GET3: variants seen among roughly 807,000 people sequenced by gnomAD.
GET3 encodes guided entry of tail-anchored proteins factor 3, ATPase, also known as ATPase GET3.
A neutral mutation model predicts 32.4 loss-of-function variants in GET3; 15 were observed. The ratio of observed to expected loss-of-function variants is 0.46; its 90% confidence interval spans 0.31 to 0.71. The LOEUF (loss-of-function observed/expected upper bound fraction) is 0.71, where lower values mean the gene tolerates loss of function less well. GET3 is among the 30% of genes least tolerant of loss of function. The probability of loss-of-function intolerance (pLI) is 0.05; values close to 1 mark genes in which losing one functional copy is unlikely to be tolerated. For missense variants in GET3, 333 were observed against 459.0 expected (o/e 0.73, Z 2.51); for synonymous variants, 198 against 185.6 (o/e 1.07, Z -0.54).
upstream of GET3, chr19:12,737,297 G>T (rs1967586976): frequency 3.0e-6 from 2 of 669,168 alleles, no homozygotes; most frequent in Non-Finnish European, 2.3e-6. Context: ...CATTAGGTAG[G>T]GGGAACCCTT....
In GET3 at chr19:12,745,571, G is replaced by T; in HGVS notation, c.459-38G>T. On this transcript the variant is annotated intron_variant, in intron 3 of 6. Coordinates refer to ENST00000357332, the MANE Select transcript of GET3 (RefSeq NM_004317.4). This position sits in a 1 kb window ranked among gnomAD's most constrained non-coding sequence, Gnocchi z 5.0. ...GTGGGGGCTGCCTGGGGAAGGGGAA[G>T]AGCGGACACAGAGGGCCTGACCCCT... 1 of 1,612,488 alleles carries T rather than the reference G, an allele frequency of 6.2e-7. No individual in the cohort carries two copies. Among genetic ancestry groups the T allele is most frequent in the Admixed American group, 1.7e-5 (1 of 60,002 alleles).
chr19:12,745,822 C>T lies in GET3; in HGVS notation c.609+63C>T. On this transcript the variant is annotated intron_variant, in intron 4 of 6. Coordinates refer to ENST00000357332, the MANE Select transcript of GET3 (RefSeq NM_004317.4). The surrounding 1 kb of genome is among the most constrained non-coding windows in gnomAD (Gnocchi z 5.0). ...GCCGGGAGTGGGAGTAGGCCCGGGC[C>T]CCCAGACCCTCAAATGCGCACTAAC... 6.5e-7 allele frequency: 1 copy of T among 1,532,220 alleles called. No homozygotes were observed. The highest frequency in any genetic ancestry group is 8.7e-7 in the Non-Finnish European group (1 of 1,144,564). The allele number at this position is 1,532,220 out of a possible 1,614,324, so 94.9% of individuals were successfully genotyped here.
intron 2 of GET3, among the ~76,000 whole-genome samples, chr19:12,739,058 G>T (rs1019872340): frequency 6.6e-6 from 1 of 152,184 alleles, no homozygotes; most frequent in African/African-American, 2.4e-5. Flanking sequence ...TGTCAGTCAG[G>T]GTAGAAGCAG....
rs753878761 is a variant in GET3 at position 12,748,039 on chromosome 19, G to C, written c.982G>C (p.Ala328Pro). ...GCTGTTACCCCATGAGGTGCGGGGG[G>C]CAGACAAGGTCAACACCTTCTCGGC... ...LPLLPHEVRG[A>P]DKVNTFSALL... The change falls in exon 7 of 7, where the codon GCA becomes CCA. Residue 328 changes from alanine (A) to proline (P), a missense_variant. Physicochemically the swap from Ala to Pro is conservative, Grantham distance 27. Coordinates refer to ENST00000357332, the MANE Select transcript of GET3 (RefSeq NM_004317.4). 6.2e-7 allele frequency: 1 copy of C among 1,611,990 alleles called. No homozygotes were observed. Among genetic ancestry groups the C allele is most frequent in the Admixed American group, 1.7e-5 (1 of 59,896 alleles).
intron 4 of GET3, among the ~76,000 whole-genome samples, chr19:12,746,518 G>A (rs901683422): frequency 7.2e-5 from 11 of 152,254 alleles, no homozygotes; most frequent in Admixed American, 1.3e-4. Context: ...GTATGTGCAC[G>A]TGTGGGTGTG....
Position 12,747,678 on chromosome 19 carries a change from G to A in GET3, c.915+86G>A. 2 of 1,455,930 alleles carry A rather than the reference G, an allele frequency of 1.4e-6. No homozygotes were observed. The highest frequency in any genetic ancestry group is 1.9e-6 in the Non-Finnish European group (2 of 1,075,472). The allele number at this position is 1,455,930 out of a possible 1,614,324, so 90.2% of individuals were successfully genotyped here. On this transcript the variant is annotated intron_variant, in intron 6 of 6. Transcript: ENST00000357332. The surrounding 1 kb of genome is among the most constrained non-coding windows in gnomAD (Gnocchi z 4.0). ...CTTTTGCTCCACCATCTGGCCCTCT[G>A]CCCTCTAGCCTCCTGCCCTTTGCCC...
At chr19:12,737,317 T>A, upstream of GET3, 1 of 830,692 alleles carries the variant, frequency 1.2e-6, no homozygotes, top group Admixed American at 3.7e-5. Context: ...TGGAAAATTA[T>A]AGACCAGAGG....
chr19:12,737,420 T>C, upstream of GET3: 1 of 1,369,268 alleles, frequency 7.3e-7, no homozygotes, highest in Admixed American at 3.7e-5. Flanking sequence ...CTCATGCTCC[T>C]AGCTTCGCTA....
At chr19:12,738,371 C>G in intron 1 of GET3, 140 bp from the exon 2 acceptor site, 1 of 1,026,498 alleles carries the variant, frequency 9.7e-7, no homozygotes, top group Non-Finnish European at 1.4e-6. Context: ...GAGGCTCAAT[C>G]CCACCATAAC....
At position 12,745,859 on chromosome 19, in the gene GET3, C is replaced by T; in HGVS notation, c.609+100C>T. 7.1e-7 allele frequency: 1 copy of T among 1,415,118 alleles called. No homozygotes were observed. The highest frequency in any genetic ancestry group is 1.4e-5 in the African/African-American group (1 of 69,962). 87.7% of individuals were successfully genotyped at this position (1,415,118 alleles called of 1,614,324 possible). A position where few individuals can be genotyped will look rare whatever the true frequency, so the allele number is the denominator to read the frequency against. ...AAATGCGCACTAACAATTCCCTTTC[C>T]TTCCCACCCCTTCTCACTCTGGACT... is the stretch of plus-strand genomic sequence containing the variant. On this transcript the variant is annotated intron_variant, in intron 4 of 6. Transcript: ENST00000357332. This position sits in a 1 kb window ranked among gnomAD's most constrained non-coding sequence, Gnocchi z 5.0.
intron 2 of GET3, among the ~76,000 whole-genome samples, chr19:12,741,823 G>A (rs1736285011): frequency 1.3e-5 from 2 of 152,112 alleles, no homozygotes; most frequent in Non-Finnish European, 2.9e-5. Flanking sequence ...GGGAGGCTGA[G>A]GCAAAGAATT....
intron 4 of GET3, among the ~76,000 whole-genome samples, chr19:12,746,536 C>T (rs970028379): frequency 6.6e-6 from 1 of 152,218 alleles, no homozygotes; most frequent in African/African-American, 2.4e-5. Context: ...GTGTGCGTGT[C>T]CCCTGTGGGG....
In GET3 at chr19:12,748,026, T is replaced by G. The variant is rs1177387981; in HGVS notation, c.969T>G (p.His323Gln). 1.9e-6 allele frequency: 3 copies of G among 1,611,998 alleles called. No individual in the cohort carries two copies. The highest frequency in any genetic ancestry group is 3.3e-5 in the Admixed American group (2 of 59,876). The stretch of plus-strand genomic sequence containing the variant: ...TCGTGAAGCTGCCGCTGTTACCCCA[T>G]GAGGTGCGGGGGGCAGACAAGGTCA... ...FHIVKLPLLP[H>Q]EVRGADKVNT... Residue 323 changes from histidine to glutamine, a missense_variant, in exon 7 of 7, where the codon CAT becomes CAG. Physicochemically the swap from His to Gln is conservative, Grantham distance 24 (BLOSUM62 0). Transcript: ENST00000357332.
chr19:12,740,937 A>C (rs922895605), intron 2 of GET3, among the ~76,000 whole-genome samples: 1 of 152,210 alleles, frequency 6.6e-6, no homozygotes, highest in Non-Finnish European at 1.5e-5. Flanking sequence ...AAGTTTGAGG[A>C]GGGAGAAAAT....
intron 2 of GET3, among the ~76,000 whole-genome samples, chr19:12,744,959 G>T (rs1216937288): frequency 1.3e-5 from 2 of 152,084 alleles, no homozygotes; most frequent in Non-Finnish European, 2.9e-5. Context: ...GCAGGGCAGG[G>T]GTGTCGGTGG....
intron 4 of GET3, among the ~76,000 whole-genome samples, chr19:12,746,185 T>G (rs575824781): frequency 6.6e-6 from 1 of 152,096 alleles, no homozygotes; most frequent in African/African-American, 2.4e-5. Flanking sequence ...CAGGCTGGAG[T>G]GCAGTGGTGC....
rs543328875 is a variant in GET3 at position 12,747,125 on chromosome 19, G to C, written c.610-72G>C. On this transcript the variant is annotated intron_variant, in intron 4 of 6. Transcript: ENST00000357332. This position sits in a 1 kb window ranked among gnomAD's most constrained non-coding sequence, Gnocchi z 4.0. Reference sequence around the variant, plus strand: ...GGGAGGTATCAGGAGTCATCCCTCGGGTGTTTAGTGAACCCCCAACCCAGG... The same window carrying C: ...GGGAGGTATCAGGAGTCATCCCTCGCGTGTTTAGTGAACCCCCAACCCAGG... 1 of 1,314,426 alleles carries C rather than the reference G, an allele frequency of 7.6e-7. No individual in the cohort carries two copies. The highest frequency in any genetic ancestry group is 1.1e-6 in the Non-Finnish European group (1 of 946,898). 81.4% of individuals were successfully genotyped at this position (1,314,426 alleles called of 1,614,324 possible).
At position 12,748,254 on chromosome 19, in the gene GET3, C is replaced by T; in HGVS notation, c.*150C>T. ...GAGGGGTCCATTCCCCCTGGTGGGGCTGGTGGGGAGCTGTAGTTGCCCCCT... is the reference window on the plus strand; with the variant it reads ...GAGGGGTCCATTCCCCCTGGTGGGGTTGGTGGGGAGCTGTAGTTGCCCCCT... On this transcript the variant is annotated 3_prime_UTR_variant, in exon 7 of 7. Transcript: ENST00000357332. 1.4e-6 allele frequency: 1 copy of T among 724,342 alleles called. No homozygotes were observed. Among genetic ancestry groups the T allele is most frequent in the Non-Finnish European group, 2.1e-6 (1 of 476,988 alleles). 44.9% of individuals were successfully genotyped at this position (724,342 alleles called of 1,614,324 possible).
chr19:12,741,195 G>A (rs1277653032), intron 2 of GET3, among the ~76,000 whole-genome samples: 2 of 152,126 alleles, frequency 1.3e-5, no homozygotes, highest in African/African-American at 2.4e-5. Context: ...GGTGGCTCAC[G>A]CCTGTAATCC....
Sources: gnomAD v4.1 joint callset for allele counts (sites outside exome capture counted in the v4.1 genomes callset) on GRCh38, gnomAD v4.1.1 for gene constraint, Gnocchi (gnomAD v3.1) non-coding constraint, MANE v1.5 for transcripts, NCBI Gene and HGNC (gene_info 2026-07-23, HGNC 2026-07-21) for gene names.